TMEM115: variants seen among roughly 807,000 people sequenced by gnomAD.
TMEM115 encodes PP6.
TMEM115 carries 8 observed loss-of-function variants against 20.1 expected under a neutral mutation model. The ratio of observed to expected loss-of-function variants is 0.40; its 90% CI spans 0.23 to 0.72. The LOEUF (loss-of-function observed/expected upper bound fraction) is 0.72, where lower values mean the gene tolerates loss of function less well. Ranked by LOEUF, TMEM115 falls within the 30% of genes least tolerant of loss-of-function variation. TMEM115 has a pLI of 0.39. For synonymous variants in TMEM115, 229 were observed against 206.2 expected (o/e 1.11, Z -0.95); for missense variants, 374 against 455.1 (o/e 0.82, Z 1.62).
Position 50,359,136 on chromosome 3 carries a change from G to C in TMEM115, c.-73C>G, listed in dbSNP as rs1575570921. ...CCTCCCCGGGGCCTCGTCCTAGTCC[G>C]GCCCCGATGGGAGGCCCAGGCCCGG... is the stretch of plus-strand genomic sequence containing the variant. On this transcript the variant is annotated 5_prime_UTR_variant, in exon 1 of 2. Transcript: ENST00000266025. 1 of 1,461,922 alleles carries C rather than the reference G, an allele frequency of 6.8e-7. No homozygotes were observed. Among genetic ancestry groups the C allele is most frequent in the Non-Finnish European group, 9.0e-7 (1 of 1,110,646 alleles). The allele number at this position is 1,461,922 out of a possible 1,614,324, so 90.6% of individuals were successfully genotyped here. A position where few individuals can be genotyped will look rare whatever the true frequency, so the allele number is the denominator to read the frequency against.
At chr3:50,355,955 T>C (rs1314065798) in intron 1 of TMEM115, among the ~76,000 whole-genome samples, 1 of 152,180 alleles carries the variant, frequency 6.6e-6, no homozygotes, top group Non-Finnish European at 1.5e-5. Flanking sequence ...TGGCATCACA[T>C]CCAAGGGAAG....
In TMEM115 at chr3:50,359,025, C is replaced by G. The variant is rs1166968332; in HGVS notation, c.39G>C (p.Gly13=). The change falls in exon 1 of 2, where the codon GGG becomes GGC. Residue 13 remains glycine (G), a synonymous_variant. Transcript: ENST00000266025. ...RALPGARQHL[G]AILASASVVV... Reference sequence around the variant, plus strand: ...CCACGCTGGCGCTGGCCAGAATGGCCCCCAAGTGCTGGCGGGCGCCTGGCA... The same window carrying G: ...CCACGCTGGCGCTGGCCAGAATGGCGCCCAAGTGCTGGCGGGCGCCTGGCA... 6.4e-7 allele frequency: 1 copy of G among 1,562,402 alleles called. No individual in the cohort carries two copies. The highest frequency in any genetic ancestry group is 2.4e-5 in the East Asian group (1 of 41,728).
rs587658755 is a variant in TMEM115, at chr3:50,357,694, A to G, written c.851+519T>C. Among the ~76,000 whole-genome samples, 24 of 152,288 alleles carry G rather than the reference A, an allele frequency of 1.6e-4. No individual in the cohort carries two copies. In the South Asian group the frequency reaches 4.8e-3, roughly 30 times the overall value. The stretch of plus-strand genomic sequence containing the variant: ...TTTTGGTGACACATGCTTGCTGGAG[A>G]CAGAGGTAAATGTGGTAATACCCCA... On this transcript the variant is annotated intron_variant, in intron 1 of 1. Transcript: ENST00000266025.
chr3:50,355,110 A>G lies in TMEM115; in HGVS notation c.*233T>C, dbSNP rs1228126944. The G allele has an allele frequency of 5.2e-5, 20 of 387,630 alleles. No homozygotes were observed. The allele number at this position is 387,630 out of a possible 1,614,324, so 24.0% of individuals were successfully genotyped here. ...CTGATGTACATTCTTACCTCAGATG[A>G]GGGCCTGGACTGGCCGATGCCTCAG... On this transcript the variant is annotated 3_prime_UTR_variant, in exon 2 of 2. Transcript: ENST00000266025.
Position 50,358,971 on chromosome 3 carries a change from T to C in TMEM115, c.93A>G (p.Leu31=), listed in dbSNP as rs753026314. ...VVVKALCAAV[L]FLYLLSFAVD... is the part of the protein sequence containing the mutation. ...CGGCGAAGGAGAGCAGGTAGAGGAA[T>C]AGTACCGCCGCACACAGAGCCTTCA... Residue 31 remains leucine, a synonymous_variant, in exon 1 of 2, where the codon CTA becomes CTG. Transcript: ENST00000266025. The C allele has an allele frequency of 5.6e-6, 9 of 1,605,890 alleles. No homozygotes were observed. Among genetic ancestry groups the C allele is most frequent in the East Asian group, 4.5e-5 (2 of 44,546 alleles).
At chr3:50,355,576 C>T (rs1474680772) in intron 1 of TMEM115, 29 bp from the exon 2 acceptor site, 3 of 1,560,342 alleles carry the variant, frequency 1.9e-6, no homozygotes, top group Non-Finnish European at 2.6e-6. Context: ...GGAAAGGTCA[C>T]TCTGGGTTTG....
In TMEM115 at chr3:50,355,244, T is replaced by G. The variant is rs1703849515; in HGVS notation, c.*99A>C. 2 of 946,494 alleles carry G rather than the reference T, an allele frequency of 2.1e-6. No individual in the cohort carries two copies. Among genetic ancestry groups the G allele is most frequent in the Non-Finnish European group, 1.5e-6 (1 of 655,700 alleles). The allele number at this position is 946,494 out of a possible 1,614,324, so 58.6% of individuals were successfully genotyped here. A position where few individuals can be genotyped will look rare whatever the true frequency, so the allele number is the denominator to read the frequency against. On this transcript the variant is annotated 3_prime_UTR_variant, in exon 2 of 2. Coordinates refer to ENST00000266025, the MANE Select transcript of TMEM115 (RefSeq NM_007024.5). ...AGGCCATGGAAAGCCCCAGCAGGCC[T>G]TCTTCCCTCTCCTCAGAGCAGTCAG...
chr3:50,356,919 A>G (rs779071407), intron 1 of TMEM115, among the ~76,000 whole-genome samples: 1 of 152,094 alleles, frequency 6.6e-6, no homozygotes, highest in Non-Finnish European at 1.5e-5. Flanking sequence ...GGGCCTAGGC[A>G]GAGGTTTTTG....
chr3:50,358,065 A>G, intron 1 of TMEM115, 148 bp downstream of exon 1: 1 of 1,134,752 alleles, frequency 8.8e-7, no homozygotes, highest in Non-Finnish European at 1.2e-6. Context: ...TGAGTTCCTT[A>G]AGGCCAAAGA....
At position 50,358,580 on chromosome 3, in the gene TMEM115, G is replaced by A; in HGVS notation, c.484C>T (p.Pro162Ser). 2 of 1,610,566 alleles carry A rather than the reference G, an allele frequency of 1.2e-6. No homozygotes were observed. The highest frequency in any genetic ancestry group is 2.2e-5 in the East Asian group (1 of 44,778). ...GGCATCACACTGACGCGCACCTGGG[G>A]CACTCGCAGGACCACACAGTCCCCC... ...TMGDCVVLRV[P>S]QVRVSVMPML... is the part of the protein sequence containing the mutation. The change falls in exon 1 of 2, where the codon CCC becomes TCC. Residue 162 changes from proline (P) to serine (S), a missense_variant. Coordinates refer to ENST00000266025, the MANE Select transcript of TMEM115 (RefSeq NM_007024.5).
At chr3:50,358,102 C>T in intron 1 of TMEM115, 111 bp downstream of exon 1, 8 of 1,435,906 alleles carry the variant, frequency 5.6e-6, no homozygotes, top group Non-Finnish European at 7.6e-6. Context: ...GGATGTGCCC[C>T]AATACCTGAC....
chr3:50,356,055 TGGCTCTCAGCCCAGGAAGCAGGGCCAAC>T (rs1034717313), intron 1 of TMEM115, among the ~76,000 whole-genome samples: 1 of 152,208 alleles, frequency 6.6e-6, no homozygotes, highest in African/African-American at 2.4e-5. Context: ...ACACCTCCCT[TGGCTCTCAGCCCAGGAAGCAGGGCCAAC>T]TTGGGTGAGT....
At chr3:50,357,500 TAAGCTGAATTTAAA>T (rs1703895671) in intron 1 of TMEM115, among the ~76,000 whole-genome samples, 1 of 152,034 alleles carries the variant, frequency 6.6e-6, no homozygotes, top group Non-Finnish European at 1.5e-5. Context: ...GGAGAGAGAG[TAAGCTGAATTTAAA>T]AAGATCCCTC....
Position 50,359,150 on chromosome 3 carries a change from G to C in TMEM115, c.-87C>G. ...CGTCCTAGTCCGGCCCCGATGGGAG[G>C]CCCAGGCCCGGCCTAGTCACTGGCC... On this transcript the variant is annotated 5_prime_UTR_variant, in exon 1 of 2. Transcript: ENST00000266025. 4 of 1,413,570 alleles carry C rather than the reference G, an allele frequency of 2.8e-6. No homozygotes were observed. Among genetic ancestry groups the C allele is most frequent in the Admixed American group, 2.9e-5 (1 of 34,260 alleles). The allele number at this position is 1,413,570 out of a possible 1,614,324, so 87.6% of individuals were successfully genotyped here.
Position 50,355,560 on chromosome 3 carries a change from G to A in TMEM115, c.852-13C>T, listed in dbSNP as rs745814784. On this transcript the variant is annotated splice_polypyrimidine_tract_variant and intron_variant, in intron 1 of 1. Transcript: ENST00000266025. Reference sequence around the variant, plus strand: ...CAGGGCCAGTTGCCTGGGGCCAGAGGAGAGAGGAAAGGTCACTCTGGGTTT... The same window carrying A: ...CAGGGCCAGTTGCCTGGGGCCAGAGAAGAGAGGAAAGGTCACTCTGGGTTT... 16 of 1,577,840 alleles carry A rather than the reference G, an allele frequency of 1.0e-5. No individual in the cohort carries two copies. Among genetic ancestry groups the A allele is most frequent in the African/African-American group, 2.7e-5 (2 of 73,476 alleles).
chr3:50,355,643 T>G, intron 1 of TMEM115, 96 bp from the exon 2 acceptor site: 1 of 1,078,058 alleles, frequency 9.3e-7, no homozygotes. Flanking sequence ...CCGTACCACC[T>G]AGACTCCTCC....
At position 50,358,391 on chromosome 3, in the gene TMEM115, C is replaced by A. The variant is rs1463706773; in HGVS notation, c.673G>T (p.Ala225Ser). 14 of 1,613,872 alleles carry A rather than the reference C, an allele frequency of 8.7e-6. No homozygotes were observed. In the South Asian group the frequency reaches 1.5e-4, roughly 18 times the overall value. Reference protein sequence around the residue: ...RGDMADHFAFATFFPEILQPV... With the variant: ...RGDMADHFAFSTFFPEILQPV... ...TGCAGGATCTCAGGGAAGAAAGTGG[C>A]GAAAGCAAAGTGGTCAGCCATGTCC... Residue 225 changes from alanine (A) to serine (S), a missense_variant, in exon 1 of 2, where the codon GCC becomes TCC. Transcript: ENST00000266025.
At chr3:50,355,785 C>T (rs938012626) in intron 1 of TMEM115, among the ~76,000 whole-genome samples, 7 of 152,204 alleles carry the variant, frequency 4.6e-5, no homozygotes, top group East Asian at 1.9e-4. Flanking sequence ...GAGGCACCTC[C>T]GGGATGGGAA....
Position 50,355,504 on chromosome 3 carries a change from C to T in TMEM115, c.895G>A (p.Glu299Lys). The part of the protein sequence containing the change: ...KALNERLKRV[E>K]DQSIWPSMDD... ...ATGCTGGGCCAGATGGACTGGTCTTCCACTCTCTTCAGCCGCTCATTGAGT... is the reference window on the plus strand; with the variant it reads ...ATGCTGGGCCAGATGGACTGGTCTTTCACTCTCTTCAGCCGCTCATTGAGT... The change falls in exon 2 of 2, where the codon GAA (glutamate) becomes AAA (lysine). Residue 299 changes from glutamate to lysine, a missense_variant. Glu to Lys is a moderately conservative substitution (Grantham distance 56, BLOSUM62 1). Transcript: ENST00000266025. 6.2e-7 allele frequency: 1 copy of T among 1,608,914 alleles called. No individual in the cohort carries two copies. Among genetic ancestry groups the T allele is most frequent in the Non-Finnish European group, 8.5e-7 (1 of 1,177,510 alleles).
Sources: allele counts gnomAD v4.1 joint callset (sites outside exome capture counted in the v4.1 genomes callset), GRCh38; gene constraint gnomAD v4.1.1; transcripts MANE v1.5; gene names NCBI Gene and HGNC (gene_info 2026-07-23, HGNC 2026-07-21).